CNTNAP5: variants seen among roughly 807,000 people sequenced by gnomAD.
CNTNAP5 encodes contactin associated protein family member 5.
In CNTNAP5, 72 loss-of-function variants were observed where a neutral mutation model predicts 150.2. The ratio of observed to expected loss-of-function variants is 0.48; its 90% CI spans 0.40 to 0.58. The LOEUF (loss-of-function observed/expected upper bound fraction) is 0.58, where lower values mean the gene tolerates loss of function less well. Ranked by LOEUF, CNTNAP5 falls within the 20% of genes least tolerant of loss-of-function variation. The pLI is 0.00. For missense variants in CNTNAP5, 1,636 were observed against 1,626.2 expected, an observed-to-expected ratio of 1.01 and a Z score of -0.10; for synonymous variants, 672 against 619.8, an observed-to-expected ratio of 1.08 and a Z score of -1.25.
intron 10 of CNTNAP5, among the ~76,000 whole-genome samples, chr2:124,553,675 T>C (rs1695684586): frequency 6.6e-6 from 1 of 152,198 alleles, no homozygotes; most frequent in Non-Finnish European, 1.5e-5. Flanking sequence ...TTTATCAAAA[T>C]ACTACTTAAG....
intron 19 of CNTNAP5, among the ~76,000 whole-genome samples, chr2:124,808,785 A>C (rs1270254444): frequency 6.6e-6 from 1 of 152,086 alleles, no homozygotes; most frequent in African/African-American, 2.4e-5. Context: ...GTTCAGGCTA[A>C]TATGCAAGTT....
rs115667723 is a variant in CNTNAP5, at chr2:124,220,713, C to T, written c.83-992C>T. Among the ~76,000 whole-genome samples the T allele has an allele frequency of 3.7e-3, 568 of 152,052 alleles. 3 individuals carry two copies. The highest frequency in any genetic ancestry group is 0.013 in the African/African-American group (533 of 41,480). On this transcript the variant is annotated intron_variant, in intron 1 of 23. Coordinates refer to ENST00000682447, the MANE Select transcript of CNTNAP5 (RefSeq NM_001367498.1). ...TGTTGCATCATCATATGGCAGAAGA[C>T]GAGAATGAGAGAGAGAACCCACTCC... is the stretch of plus-strand genomic sequence containing the variant.
At chr2:124,611,610 C>T (rs565273649) in intron 12 of CNTNAP5, among the ~76,000 whole-genome samples, 3 of 152,258 alleles carry the variant, frequency 2.0e-5, no homozygotes, top group African/African-American at 7.2e-5. Flanking sequence ...AACATATGGA[C>T]TCTTGCTAAA....
intron 19 of CNTNAP5, among the ~76,000 whole-genome samples, chr2:124,803,894 A>C (rs1682026772): frequency 6.6e-6 from 1 of 152,142 alleles, no homozygotes; most frequent in Non-Finnish European, 1.5e-5. Context: ...TGCTGCCTCC[A>C]CATAGCCCCT....
intron 11 of CNTNAP5, among the ~76,000 whole-genome samples, chr2:124,569,662 C>T (rs1426649047): frequency 6.6e-6 from 1 of 152,192 alleles, no homozygotes; most frequent in Non-Finnish European, 1.5e-5. Flanking sequence ...TCAGCCTTTG[C>T]CAATCCCTTT....
intron 1 of CNTNAP5, among the ~76,000 whole-genome samples, chr2:124,056,958 A>C (rs1023540338): frequency 6.6e-6 from 1 of 152,094 alleles, no homozygotes; most frequent in Admixed American, 6.5e-5. Context: ...ATGTTCTCCA[A>C]AATTCAGTTG....
At chr2:124,446,704 A>G (rs1340917359) in intron 5 of CNTNAP5, 49 bp from the exon 6 acceptor site, 2 of 1,577,208 alleles carry the variant, frequency 1.3e-6, no homozygotes, top group Admixed American at 3.4e-5. Flanking sequence ...TGGTGTGCAA[A>G]GCTGCCCTTG....
At chr2:124,851,981 G>A (rs1484005829) in intron 19 of CNTNAP5, among the ~76,000 whole-genome samples, 1 of 152,136 alleles carries the variant, frequency 6.6e-6, no homozygotes, top group Non-Finnish European at 1.5e-5. Flanking sequence ...GATAGTGATG[G>A]ACCAGACAAT....
chr2:124,212,872 T>G (rs1276868613), intron 1 of CNTNAP5, among the ~76,000 whole-genome samples: 1 of 133,356 alleles, frequency 7.5e-6, no homozygotes, highest in Admixed American at 8.4e-5. Context: ...GGAGTCTTGC[T>G]CTGTCACCCA....
chr2:124,677,847 C>T (rs1678980309), intron 13 of CNTNAP5, among the ~76,000 whole-genome samples: 1 of 151,938 alleles, frequency 6.6e-6, no homozygotes, highest in East Asian at 1.9e-4. Flanking sequence ...CAGAAGCCCA[C>T]CTGGCTTCAC....
intron 6 of CNTNAP5, among the ~76,000 whole-genome samples, chr2:124,455,256 A>C (rs189827417): frequency 6.6e-6 from 1 of 152,264 alleles, no homozygotes; most frequent in East Asian, 1.9e-4. Flanking sequence ...AGATCATTAA[A>C]GACTATTATA....
Position 124,902,974 on chromosome 2 carries a change from C to G in CNTNAP5, c.3529C>G (p.Leu1177Val). 6.2e-7 allele frequency: 1 copy of G among 1,613,074 alleles called. No individual in the cohort carries two copies. Among genetic ancestry groups the G allele is most frequent in the South Asian group, 1.1e-5 (1 of 90,934 alleles). The change falls in exon 22 of 24, where the codon CTG becomes GTG. Residue 1177 changes from leucine (L) to valine (V), a missense_variant. Coordinates refer to ENST00000682447, the MANE Select transcript of CNTNAP5 (RefSeq NM_001367498.1). ...SSVQYNHIAP[L>V]KAALRHATVA... The stretch of plus-strand genomic sequence containing the variant: ...CGTCCAGTACAACCACATAGCACCA[C>G]TGAAGGCTGCCCTGCGCCATGCCAC...
chr2:124,826,275 T>G (rs2104675054), intron 19 of CNTNAP5, among the ~76,000 whole-genome samples: 1 of 152,300 alleles, frequency 6.6e-6, no homozygotes, highest in East Asian at 1.9e-4. Context: ...CCTGGGTTCC[T>G]TGTGAAGGTG....
At chr2:124,713,304 CTTTCTCTTTCT>C (rs1558746857) in intron 13 of CNTNAP5, among the ~76,000 whole-genome samples, 3 of 55,776 alleles carry the variant, frequency 5.4e-5, no homozygotes, top group Non-Finnish European at 8.0e-5. Flanking sequence ...TTTCTTTCTT[CTTTCTCTTTCT>C]TTCCTTTCTT....
At chr2:124,429,591 G>C (rs2104789903) in intron 4 of CNTNAP5, among the ~76,000 whole-genome samples, 1 of 152,318 alleles carries the variant, frequency 6.6e-6, no homozygotes, top group African/African-American at 2.4e-5. Flanking sequence ...GAAGTGCAGA[G>C]TGTTTGGCTG....
At chr2:124,204,834 G>C (rs544614731) in intron 1 of CNTNAP5, among the ~76,000 whole-genome samples, 1 of 151,942 alleles carries the variant, frequency 6.6e-6, no homozygotes, top group African/African-American at 2.4e-5. Flanking sequence ...ATCAAGATGA[G>C]CTATGGGGAC....
At chr2:124,546,335 AGT>A (rs1477706627) in intron 10 of CNTNAP5, among the ~76,000 whole-genome samples, 2 of 150,342 alleles carry the variant, frequency 1.3e-5, no homozygotes, top group African/African-American at 2.5e-5. Flanking sequence ...GAGTAAGAAA[AGT>A]GTGTTTCTTT....
chr2:124,517,628 A>G (rs1248957542), intron 8 of CNTNAP5, among the ~76,000 whole-genome samples: 380 of 44,470 alleles, frequency 8.5e-3, no homozygotes, highest in African/African-American at 9.5e-3. Flanking sequence ...GTTGGTGAAG[A>G]GGGGTTGTGG....
intron 12 of CNTNAP5, among the ~76,000 whole-genome samples, chr2:124,637,133 C>A (rs1325911934): frequency 6.6e-6 from 1 of 152,126 alleles, no homozygotes; most frequent in Non-Finnish European, 1.5e-5. Flanking sequence ...AATCCAAAGT[C>A]CTACAATGTG....
Sources: allele counts gnomAD v4.1 joint callset (sites outside exome capture counted in the v4.1 genomes callset), GRCh38; gene constraint gnomAD v4.1.1; transcripts MANE v1.5; gene names NCBI Gene and HGNC (gene_info 2026-07-23, HGNC 2026-07-21).